Variants in CYRIB observed in about 807,000 individuals in gnomAD.
The protein encoded by CYRIB is CYFIP related Rac1 interactor B.
Under a neutral mutation model 44.2 loss-of-function variants are expected in CYRIB, and 8 were observed. That is an observed-to-expected ratio of 0.18 (90% CI 0.11 to 0.33). CYRIB has a LOEUF of 0.33. Ranked by LOEUF, CYRIB falls within the 10% of genes least tolerant of loss-of-function variation. The probability of loss-of-function intolerance (pLI) is 1.00; values close to 1 mark genes in which losing one functional copy is unlikely to be tolerated. For synonymous variants in CYRIB, 131 were observed against 127.2 expected (o/e 1.03, Z -0.20); for missense variants, 185 against 382.8 (o/e 0.48, Z 4.31).
chr8:129,871,004 G>A (rs771475523), intron 4 of CYRIB, among the ~76,000 whole-genome samples: 1 of 152,090 alleles, frequency 6.6e-6, no homozygotes, highest in African/African-American at 2.4e-5. Flanking sequence ...GTTTGGGAGA[G>A]GAAAGTTGAG....
At chr8:129,899,008 C>T (rs999969126) in intron 2 of CYRIB, among the ~76,000 whole-genome samples, 1 of 152,072 alleles carries the variant, frequency 6.6e-6, no homozygotes, top group South Asian at 2.1e-4. Context: ...GGATTACAGG[C>T]ATGTGCCACC....
intron 1 of CYRIB, 41 bp from the exon 4 acceptor site, chr8:129,903,391 T>C (rs1050305371): frequency 3.3e-5 from 5 of 152,650 alleles, no homozygotes; most frequent in African/African-American, 4.8e-5. Context: ...TCTAAAACAT[T>C]ATTATACTTT....
chr8:129,843,577 T>C (rs1042417502), intron 11 of CYRIB, among the ~76,000 whole-genome samples: 1 of 152,176 alleles, frequency 6.6e-6, no homozygotes, highest in African/African-American at 2.4e-5. Flanking sequence ...GACTAGATCG[T>C]TTTTTCTAGA....
At position 129,848,844 on chromosome 8, in the gene CYRIB, C is replaced by T. The variant is rs575823484; in HGVS notation, c.840+399G>A. On this transcript the variant is annotated intron_variant, in intron 10 of 11. Transcript: ENST00000519824. Reference sequence around the variant, plus strand: ...GCTTCAGCCTGCCAAAGTGCTTGGGCTACAGGCATGAGCCAGCACGCCCAG... The same window carrying T: ...GCTTCAGCCTGCCAAAGTGCTTGGGTTACAGGCATGAGCCAGCACGCCCAG... 1.2e-3 allele frequency among the ~76,000 whole-genome samples: 188 copies of T among 152,066 alleles called. 1 individual carries two copies. The Middle Eastern group carries it at 0.02, about 17-fold the overall frequency.
At chr8:129,971,438 A>G (rs2095688195) in intron 1 of CYRIB, among the ~76,000 whole-genome samples, 1 of 152,204 alleles carries the variant, frequency 6.6e-6, no homozygotes, top group African/African-American at 2.4e-5. Context: ...TTGTTTTGCA[A>G]ACAGTTTTCT....
chr8:129,938,158 C>T (rs1035962099), intron 1 of CYRIB, among the ~76,000 whole-genome samples: 1 of 151,990 alleles, frequency 6.6e-6, no homozygotes, highest in Non-Finnish European at 1.5e-5. Flanking sequence ...TTTATGAATG[C>T]TGATTAGGGA....
chr8:129,903,792 A>C (rs932401349), intron 1 of CYRIB, among the ~76,000 whole-genome samples: 2 of 152,228 alleles, frequency 1.3e-5, no homozygotes, highest in Non-Finnish European at 2.9e-5. Context: ...ATTAATAATC[A>C]GTTTTACTCA....
chr8:129,896,537 G>A (rs2068148823), intron 2 of CYRIB: 1 of 152,170 alleles, frequency 6.6e-6, no homozygotes, highest in Non-Finnish European at 1.5e-5. Context: ...CGCAATGAGA[G>A]TTCAAATCCT....
intron 2 of CYRIB, among the ~76,000 whole-genome samples, chr8:129,898,425 G>A (rs1442794320): frequency 6.6e-6 from 1 of 152,116 alleles, no homozygotes; most frequent in East Asian, 1.9e-4. Context: ...GGATGCAGAA[G>A]CTAAAAGTAA....
At chr8:129,883,390 C>T (rs1438790106) in intron 2 of CYRIB, among the ~76,000 whole-genome samples, 6 of 152,122 alleles carry the variant, frequency 3.9e-5, no homozygotes, top group Middle Eastern at 3.4e-3. Context: ...CAACTGTTGT[C>T]CAGCGCAAAA....
In CYRIB at chr8:129,978,350, T is replaced by C. The variant is rs140722895; in HGVS notation, c.-295-7355A>G. On this transcript the variant is annotated intron_variant, in intron 1 of 14. Coordinates refer to the CYRIB transcript ENST00000401979. ...GCACTAAATGACTATTGTGAGATGG[T>C]TGTGGGGCAGGCTTCACACAAGTGA... Among the ~76,000 whole-genome samples the C allele has an allele frequency of 3.2e-3, 483 of 152,328 alleles. 2 individuals carry two copies. The highest frequency in any genetic ancestry group is 0.02 in the Middle Eastern group (6 of 294).
intron 7 of CYRIB, among the ~76,000 whole-genome samples, chr8:129,853,522 C>T (rs1169263245): frequency 6.6e-6 from 1 of 152,148 alleles, no homozygotes; most frequent in Non-Finnish European, 1.5e-5. Flanking sequence ...CAGTATTTCT[C>T]TATTAAACTA....
At chr8:129,960,597 A>G (rs1464838441) in intron 2 of CYRIB, among the ~76,000 whole-genome samples, 1 of 150,674 alleles carries the variant, frequency 6.6e-6, no homozygotes, top group Non-Finnish European at 1.5e-5. Flanking sequence ...CAGTGAGCCA[A>G]GATCAAGCCA....
chr8:129,855,978 G>C (rs540015860), intron 5 of CYRIB, among the ~76,000 whole-genome samples: 1 of 152,140 alleles, frequency 6.6e-6, no homozygotes, highest in Non-Finnish European at 1.5e-5. Flanking sequence ...ACTAATTCAA[G>C]GGTTTATAAT....
chr8:129,984,031 A>C (rs1358103342), intron 1 of CYRIB, among the ~76,000 whole-genome samples: 1 of 152,234 alleles, frequency 6.6e-6, no homozygotes, highest in East Asian at 1.9e-4. Context: ...GACAGCTCCC[A>C]GGTGATGGTG....
chr8:130,016,326 G>A (rs1321867416), intron 1 of CYRIB, 44 bp downstream of exon 1: 1 of 147,278 alleles, frequency 6.8e-6, no homozygotes, highest in East Asian at 2.0e-4. Context: ...GGGCGCGCGC[G>A]CGGGCCGGCC....
At chr8:129,850,660 C>A in intron 9 of CYRIB, 175 bp downstream of exon 11, 1 of 621,800 alleles carries the variant, frequency 1.6e-6, no homozygotes, top group Non-Finnish European at 2.8e-6. Flanking sequence ...CCAGAAGTTA[C>A]GTTAAATAGC....
intron 1 of CYRIB, among the ~76,000 whole-genome samples, chr8:129,905,382 T>A (rs1268314998): frequency 6.6e-6 from 1 of 152,178 alleles, no homozygotes; most frequent in Non-Finnish European, 1.5e-5. Context: ...CATTCCCCGC[T>A]AATTTTTTGT....
upstream of CYRIB, among the ~76,000 whole-genome samples, chr8:129,944,793 A>C (rs2094021186): frequency 6.6e-6 from 1 of 151,930 alleles, no homozygotes; most frequent in South Asian, 2.1e-4. Context: ...AAAAAAAAAA[A>C]CAAAAACAAA....
Sources: gnomAD v4.1 joint callset for allele counts (sites outside exome capture counted in the v4.1 genomes callset) on GRCh38, gnomAD v4.1.1 for gene constraint, MANE v1.5 for transcripts, NCBI Gene and HGNC (gene_info 2026-07-23, HGNC 2026-07-21) for gene names.